Variants in UNC5B observed in about 807,000 individuals in gnomAD.
UNC5B encodes the protein netrin receptor UNC5B.
Under a neutral mutation model 103.7 loss-of-function variants are expected in UNC5B, and 56 were observed. The ratio of observed to expected loss-of-function variants is 0.54; its 90% CI spans 0.44 to 0.67. The LOEUF (loss-of-function observed/expected upper bound fraction) is 0.67, where lower values mean the gene tolerates loss of function less well. UNC5B is among the 30% of genes least tolerant of loss of function. The pLI, the probability that UNC5B is intolerant of heterozygous loss-of-function variation, is 0.00. For missense variants in UNC5B, 1,194 were observed against 1,284.5 expected (o/e 0.93, Z 1.08); for synonymous variants, 577 against 542.0 (o/e 1.06, Z -0.90).
At chr10:71,276,153 G>A (rs1227219221) in intron 1 of UNC5B, among the ~76,000 whole-genome samples, 1 of 145,930 alleles carries the variant, frequency 6.9e-6, no homozygotes, top group Non-Finnish European at 1.5e-5. Context: ...TTCCTGTTAG[G>A]GACTTCTTTT....
intron 1 of UNC5B, among the ~76,000 whole-genome samples, chr10:71,223,183 A>G (rs1843485188): frequency 6.6e-6 from 1 of 152,146 alleles, no homozygotes; most frequent in Admixed American, 6.5e-5. Flanking sequence ...CAGAGCAGCC[A>G]TGGCACTAGG....
At chr10:71,272,907 T>G (rs1844680886) in intron 1 of UNC5B, among the ~76,000 whole-genome samples, 1 of 101,872 alleles carries the variant, frequency 9.8e-6, no homozygotes, top group Non-Finnish European at 2.2e-5. Flanking sequence ...TTGTTTGTTT[T>G]GAGATGGAGT....
chr10:71,216,152 C>T (rs533687317), intron 1 of UNC5B, among the ~76,000 whole-genome samples: 1 of 152,156 alleles, frequency 6.6e-6, no homozygotes, highest in Non-Finnish European at 1.5e-5. Context: ...TGGGACTCAC[C>T]GGTAGCGCCA....
intron 1 of UNC5B, among the ~76,000 whole-genome samples, chr10:71,260,232 A>T (rs1444525582): frequency 6.6e-6 from 1 of 152,202 alleles, no homozygotes; most frequent in Admixed American, 6.5e-5. Flanking sequence ...ACACCTGAGA[A>T]ATCCGGCATT....
At chr10:71,262,441 CAG>C (rs1314765085) in intron 1 of UNC5B, among the ~76,000 whole-genome samples, 1 of 152,048 alleles carries the variant, frequency 6.6e-6, no homozygotes, top group Non-Finnish European at 1.5e-5. Flanking sequence ...GTCTTGCTTT[CAG>C]AGTCATCGTT....
chr10:71,233,700 G>A (rs576084061), intron 1 of UNC5B, among the ~76,000 whole-genome samples: 3 of 152,384 alleles, frequency 2.0e-5, no homozygotes, highest in Non-Finnish European at 2.9e-5. Context: ...AGGCCAGCCA[G>A]GTTCTGGTGG....
intron 1 of UNC5B, among the ~76,000 whole-genome samples, chr10:71,271,006 T>C (rs1307549592): frequency 6.6e-6 from 1 of 152,126 alleles, no homozygotes; most frequent in Admixed American, 6.5e-5. Flanking sequence ...CATGTGTGTG[T>C]CTGAGGGGGC....
intron 1 of UNC5B, among the ~76,000 whole-genome samples, chr10:71,226,669 T>C (rs1843570424): frequency 1.3e-5 from 2 of 152,374 alleles, no homozygotes; most frequent in South Asian, 4.1e-4. Context: ...CCATTCTCTC[T>C]TTTTAACATC....
At position 71,280,018 on chromosome 10, in the gene UNC5B, A is replaced by G; in HGVS notation, c.277A>G (p.Thr93Ala). ...GTGGGTCAGCCAGAACGACCACGTC[A>G]CACAGGAAGGCCTGGATGAGGCCAC... ...GEWVSQNDHV[T>A]QEGLDEATGL... The change falls in exon 2 of 17, where the codon ACA becomes GCA. Residue 93 changes from threonine to alanine, a missense_variant. Thr to Ala is a moderately conservative substitution (Grantham distance 58, BLOSUM62 0). Transcript: ENST00000335350. 6.2e-7 allele frequency: 1 copy of G among 1,614,046 alleles called. No individual in the cohort carries two copies. Among genetic ancestry groups the G allele is most frequent in the South Asian group, 1.1e-5 (1 of 91,090 alleles).
chr10:71,230,077 ACCT>A (rs1355388607), intron 1 of UNC5B, among the ~76,000 whole-genome samples: 1 of 151,908 alleles, frequency 6.6e-6, no homozygotes, highest in Non-Finnish European at 1.5e-5. Context: ...TTTCACCCCT[ACCT>A]CCTCCTCTCT....
At chr10:71,290,805 C>T in intron 8 of UNC5B, 110 bp from the exon 9 acceptor site, 1 of 1,327,346 alleles carries the variant, frequency 7.5e-7, no homozygotes, top group Non-Finnish European at 1.0e-6. Context: ...TGGAACTCAG[C>T]ACCGGGCCGG....
chr10:71,288,968 T>C lies in UNC5B; in HGVS notation c.1077T>C (p.Thr359=), dbSNP rs746614024. ...TDGLCMQNKK[T]LSDPNSHLLE... is the part of the protein sequence containing the mutation. ...TATTTCCCTTGACAGATAAGAAAAC[T>C]CTAAGCGACCCCAACAGCCACCGTA... The change falls in exon 8 of 17, where the codon ACT becomes ACC. Residue 359 remains threonine (T), a synonymous_variant. Coordinates refer to ENST00000335350, the MANE Select transcript of UNC5B (RefSeq NM_170744.5). 2 of 1,613,370 alleles carry C rather than the reference T, an allele frequency of 1.2e-6. No individual in the cohort carries two copies. Among genetic ancestry groups the C allele is most frequent in the Non-Finnish European group, 1.7e-6 (2 of 1,179,708 alleles).
chr10:71,286,739 C>A lies in UNC5B; in HGVS notation c.603C>A (p.Asn201Lys), dbSNP rs143415941. ...EDVIDPTQDTNFLLTIDHNLI... is the reference protein window; with the variant it reads ...EDVIDPTQDTKFLLTIDHNLI... ...TCATCGACCCCACCCAGGACACCAACTTCCTGCTCACCATCGACCACAACC... is the reference window on the plus strand; with the variant it reads ...TCATCGACCCCACCCAGGACACCAAATTCCTGCTCACCATCGACCACAACC... Residue 201 changes from asparagine (N) to lysine (K), a missense_variant, in exon 5 of 17, where the codon AAC (asparagine) becomes AAA (lysine). By Grantham distance (94) the Asn-to-Lys change is moderately conservative. Coordinates refer to ENST00000335350, the MANE Select transcript of UNC5B (RefSeq NM_170744.5). 1.1e-5 allele frequency: 17 copies of A among 1,614,250 alleles called. No individual in the cohort carries two copies. The highest frequency in any genetic ancestry group is 1.4e-5 in the Non-Finnish European group (16 of 1,180,044).
chr10:71,215,017 C>T (rs1367781035), intron 1 of UNC5B, among the ~76,000 whole-genome samples: 5 of 152,168 alleles, frequency 3.3e-5, no homozygotes, highest in East Asian at 3.9e-4. Context: ...CTGGTGGGGT[C>T]GGCCTGCAGC....
At chr10:71,289,813 G>A (rs1845199062) in intron 8 of UNC5B, among the ~76,000 whole-genome samples, 1 of 152,252 alleles carries the variant, frequency 6.6e-6, no homozygotes, top group Non-Finnish European at 1.5e-5. Context: ...CTGCTGAGGA[G>A]AGATACAGGG....
At position 71,291,814 on chromosome 10, in the gene UNC5B, C is replaced by G; in HGVS notation, c.1677C>G (p.Pro559=). The part of the protein sequence containing the change: ...FGCLGGRLSI[P]GTGVSLLVPN... ...GCCTGGGTGGGAGGCTCAGCATCCC[C>G]GGCACAGGTGAGCCCCTGCCCTGCT... The change falls in exon 10 of 17, where the codon CCC becomes CCG. Residue 559 remains proline, a synonymous_variant. Coordinates refer to ENST00000335350, the MANE Select transcript of UNC5B (RefSeq NM_170744.5). 1.3e-6 allele frequency: 2 copies of G among 1,595,062 alleles called. No individual in the cohort carries two copies. The highest frequency in any genetic ancestry group is 1.7e-6 in the Non-Finnish European group (2 of 1,175,858).
At chr10:71,270,452 G>A (rs1427363863) in intron 1 of UNC5B, among the ~76,000 whole-genome samples, 2 of 152,136 alleles carry the variant, frequency 1.3e-5, no homozygotes, top group Non-Finnish European at 2.9e-5. Flanking sequence ...ACTTTCTCCA[G>A]GGTCACAGAG....
At chr10:71,214,285 T>C (rs921972771) in intron 1 of UNC5B, among the ~76,000 whole-genome samples, 1 of 151,444 alleles carries the variant, frequency 6.6e-6, no homozygotes, top group Non-Finnish European at 1.5e-5. Context: ...TTCCTCATTC[T>C]GGAATTAGTG....
intron 2 of UNC5B, among the ~76,000 whole-genome samples, chr10:71,281,851 C>T (rs1177479890): frequency 1.3e-5 from 2 of 152,124 alleles, no homozygotes; most frequent in African/African-American, 2.4e-5. Flanking sequence ...AGCAGGCAGT[C>T]GATAAACACC....
Sources: gnomAD v4.1 joint callset for allele counts (sites outside exome capture counted in the v4.1 genomes callset) on GRCh38, gnomAD v4.1.1 for gene constraint, MANE v1.5 for transcripts, NCBI Gene and HGNC (gene_info 2026-07-23, HGNC 2026-07-21) for gene names.